PCDH9: variants seen among roughly 807,000 people sequenced by gnomAD.
PCDH9 encodes the protein protocadherin-9.
PCDH9 carries 24 observed loss-of-function variants against 70.6 expected under a neutral mutation model. The ratio of observed to expected loss-of-function variants is 0.34; its 90% CI spans 0.25 to 0.48. The LOEUF is 0.48. Among genes scored for constraint, PCDH9 ranks in the 20% least tolerant of loss-of-function variants. PCDH9 has a pLI of 0.99. For missense variants in PCDH9, 1,281 were observed against 1,503.6 expected (o/e 0.85, Z 2.45); for synonymous variants, 562 against 558.5 (o/e 1.01, Z -0.09).
chr13:67,137,676 C>T (rs1292126287), intron 2 of PCDH9, among the ~76,000 whole-genome samples: 1 of 152,024 alleles, frequency 6.6e-6, no homozygotes, highest in Admixed American at 6.6e-5. Context: ...GCTATTGTTA[C>T]AGAGTCTGCT....
chr13:66,314,362 A>C (rs1387121544), intron 4 of PCDH9, among the ~76,000 whole-genome samples: 4 of 152,196 alleles, frequency 2.6e-5, no homozygotes, highest in Admixed American at 6.5e-5. Flanking sequence ...GGTAAGTCCA[A>C]GATCCATCAA....
At chr13:67,218,357 G>C (rs1357635714) in intron 2 of PCDH9, 2 of 152,048 alleles carry the variant, frequency 1.3e-5, no homozygotes, top group Non-Finnish European at 2.9e-5. Context: ...CAAAAAAGGA[G>C]GCAAAGTAAC....
chr13:66,901,744 T>C (rs959996278), intron 3 of PCDH9, among the ~76,000 whole-genome samples: 1 of 151,698 alleles, frequency 6.6e-6, no homozygotes, highest in Non-Finnish European at 1.5e-5. Flanking sequence ...GAAAAAAGTA[T>C]GATTTATAGA....
At chr13:67,085,020 A>G (rs1330250942) in intron 2 of PCDH9, among the ~76,000 whole-genome samples, 14 of 125,040 alleles carry the variant, frequency 1.1e-4, no homozygotes, top group Non-Finnish European at 1.7e-4. Context: ...ATATATATAT[A>G]TATGTATATG....
intron 2 of PCDH9, among the ~76,000 whole-genome samples, chr13:67,048,387 C>A (rs2085262794): frequency 6.6e-6 from 1 of 152,094 alleles, no homozygotes; most frequent in African/African-American, 2.4e-5. Flanking sequence ...GAAGACAAGC[C>A]CTGGCCCATA....
chr13:67,005,559 C>CT (rs1252971779), intron 2 of PCDH9, among the ~76,000 whole-genome samples: 3 of 152,180 alleles, frequency 2.0e-5, no homozygotes, highest in African/African-American at 7.2e-5. Flanking sequence ...TGTATGCTCA[C>CT]TATGTTTGAC....
intron 2 of PCDH9, among the ~76,000 whole-genome samples, chr13:66,906,306 A>G (rs1477474983): frequency 1.3e-5 from 2 of 152,236 alleles, no homozygotes; most frequent in East Asian, 3.9e-4. Flanking sequence ...AATTCTCATG[A>G]GCCATGAGTA....
Position 66,914,754 on chromosome 13 carries a change from T to C in PCDH9, c.3037-11149A>G, listed in dbSNP as rs191365454. ...AAAATACATATAAGAAATAATTTTG[T>C]CTTCAAAGAGTTGACAGTATATCAA... On this transcript the variant is annotated intron_variant, in intron 2 of 4. Coordinates refer to ENST00000377865, the MANE Select transcript of PCDH9 (RefSeq NM_203487.3). 3.3e-5 allele frequency among the ~76,000 whole-genome samples: 5 copies of C among 151,940 alleles called. No individual in the cohort carries two copies. In the East Asian group the frequency reaches 9.7e-4, roughly 29 times the overall value.
chr13:66,846,980 CA>C (rs951476688), intron 3 of PCDH9, among the ~76,000 whole-genome samples: 100 of 151,846 alleles, frequency 6.6e-4, no homozygotes, highest in African/African-American at 2.4e-3. Context: ...AAGCTGATTT[CA>C]AAATTCAAAT....
chr13:67,087,820 T>C (rs570784884), intron 2 of PCDH9, among the ~76,000 whole-genome samples: 2 of 152,236 alleles, frequency 1.3e-5, no homozygotes, highest in African/African-American at 4.8e-5. Context: ...GCTGCTTCTG[T>C]AGCAACAGAA....
intron 4 of PCDH9, among the ~76,000 whole-genome samples, chr13:66,526,601 C>T (rs946075030): frequency 2.0e-5 from 3 of 151,774 alleles, no homozygotes; most frequent in Non-Finnish European, 4.4e-5. Context: ...GTCAGTTCAC[C>T]ATAATTTGTC....
intron 4 of PCDH9, among the ~76,000 whole-genome samples, chr13:66,515,443 G>T (rs548397082): frequency 6.6e-6 from 1 of 151,816 alleles, no homozygotes; most frequent in Admixed American, 6.6e-5. Context: ...AAGTTCCACG[G>T]ATAAAAACAT....
intron 3 of PCDH9, among the ~76,000 whole-genome samples, chr13:66,726,151 A>G (rs1027250039): frequency 6.6e-6 from 1 of 152,154 alleles, no homozygotes. Context: ...AGGGAGAAAG[A>G]GGAGACATAC....
At chr13:66,547,803 C>T (rs1199187882) in intron 4 of PCDH9, among the ~76,000 whole-genome samples, 1 of 149,358 alleles carries the variant, frequency 6.7e-6, no homozygotes, top group South Asian at 2.1e-4. Context: ...TTTAAATAAT[C>T]TTGATTCAAG....
chr13:66,841,622 C>A (rs2081117654), intron 3 of PCDH9, among the ~76,000 whole-genome samples: 1 of 151,892 alleles, frequency 6.6e-6, no homozygotes, highest in Admixed American at 6.6e-5. Context: ...GATCTATAAC[C>A]CATTCCATCC....
intron 2 of PCDH9, among the ~76,000 whole-genome samples, chr13:67,192,651 G>A (rs1052264125): frequency 2.6e-5 from 4 of 152,110 alleles, no homozygotes; most frequent in Non-Finnish European, 5.9e-5. Context: ...ATAGAAGGAA[G>A]GCTGAATAAC....
At chr13:66,873,163 T>C (rs2081728700) in intron 3 of PCDH9, among the ~76,000 whole-genome samples, 1 of 152,308 alleles carries the variant, frequency 6.6e-6, no homozygotes, top group African/African-American at 2.4e-5. Context: ...AAGCCATGTC[T>C]GAATAAGATC....
At chr13:66,927,550 T>C (rs1272527506) in intron 2 of PCDH9, among the ~76,000 whole-genome samples, 1 of 152,032 alleles carries the variant, frequency 6.6e-6, no homozygotes, top group Non-Finnish European at 1.5e-5. Context: ...AAAATTAAAG[T>C]TAAAAACAAA....
intron 4 of PCDH9, among the ~76,000 whole-genome samples, chr13:66,624,277 A>G (rs374857893): frequency 1.3e-5 from 2 of 152,222 alleles, no homozygotes; most frequent in East Asian, 3.8e-4. Context: ...CTTAGAATTA[A>G]TGGTTTCATT....
Sources: gnomAD v4.1 joint callset for allele counts (sites outside exome capture counted in the v4.1 genomes callset) on GRCh38, gnomAD v4.1.1 for gene constraint, MANE v1.5 for transcripts, NCBI Gene and HGNC (gene_info 2026-07-23, HGNC 2026-07-21) for gene names.